HMCN2: variants seen among roughly 807,000 people sequenced by gnomAD.
HMCN2 encodes hemicentin 2.
In HMCN2, 325 loss-of-function variants were observed where a neutral mutation model predicts 377.5. That is an observed-to-expected ratio of 0.86 (90% confidence interval 0.79 to 0.94). The LOEUF is 0.94. Ranked by LOEUF, HMCN2 falls within the 40% of genes least tolerant of loss-of-function variation. The pLI, the probability that HMCN2 is intolerant of heterozygous loss-of-function variation, is 0.00. For synonymous variants in HMCN2, 2,007 were observed against 2,046.8 expected (o/e 0.98, Z 0.53); for missense variants, 4,543 against 4,725.3 (o/e 0.96, Z 1.13).
chr9:130,395,273 C>T lies in HMCN2; in HGVS notation c.10837C>T (p.Leu3613=), dbSNP rs1309540897. The stretch of plus-strand genomic sequence containing the variant: ...TGTGGTCGGCCTGGCCCCAGGGCAG[C>T]TGGTCCTGGAGTGTTCGGTGGAGGC... ...RFVVGLAPGQ[L]VLECSVEAEP... is the part of the protein sequence containing the mutation. Residue 3613 remains leucine (L), a synonymous_variant, in exon 71 of 98, where the codon CTG becomes TTG. Coordinates refer to ENST00000683500, the MANE Select transcript of HMCN2 (RefSeq NM_001291815.2). The T allele has an allele frequency of 2.5e-5, 32 of 1,289,462 alleles. No individual in the cohort carries two copies. The highest frequency in any genetic ancestry group is 3.0e-5 in the African/African-American group (2 of 65,838). 79.9% of individuals were successfully genotyped at this position (1,289,462 alleles called of 1,614,324 possible).
Position 130,423,717 on chromosome 9 carries a change from G to C in HMCN2, c.13381+991G>C, listed in dbSNP as rs934403637. On this transcript the variant is annotated intron_variant, in intron 87 of 97. Transcript: ENST00000683500. The surrounding 1 kb of genome is among the most constrained non-coding windows in gnomAD (Gnocchi z 5.5). The stretch of plus-strand genomic sequence containing the variant: ...CTTGCCCAGTCCATGGCCCCACCTG[G>C]TCCTGCGTGGAGGGCGGGGCATCAC... 6.6e-6 allele frequency among the ~76,000 whole-genome samples: 1 copy of C among 152,226 alleles called. No homozygotes were observed. Among genetic ancestry groups the C allele is most frequent in the Non-Finnish European group, 1.5e-5 (1 of 68,044 alleles).
Position 130,265,858 on chromosome 9 carries a change from G to A in HMCN2, c.-21G>A. On this transcript the variant is annotated 5_prime_UTR_variant, in exon 1 of 98. Coordinates refer to ENST00000683500, the MANE Select transcript of HMCN2 (RefSeq NM_001291815.2). Reference sequence around the variant, plus strand: ...GACCTGCGCCTCCACCGCAGCACCCGCAGCCAGAGCCGCGCTCGGCATGAT... The same window carrying A: ...GACCTGCGCCTCCACCGCAGCACCCACAGCCAGAGCCGCGCTCGGCATGAT... The A allele has an allele frequency of 3.0e-6, 1 of 335,270 alleles. No individual in the cohort carries two copies. The highest frequency in any genetic ancestry group is 5.8e-6 in the Non-Finnish European group (1 of 173,808). 20.8% of individuals were successfully genotyped at this position (335,270 alleles called of 1,614,324 possible).
Position 130,412,565 on chromosome 9 carries a change from C to T in HMCN2, c.12961+1913C>T, listed in dbSNP as rs1309624125. Among the ~76,000 whole-genome samples, 65 of 43,430 alleles carry T rather than the reference C, an allele frequency of 1.5e-3. 2 individuals carry two copies. The highest frequency in any genetic ancestry group is 3.8e-3 in the African/African-American group (62 of 16,424). The allele number at this position is 43,430 out of a possible 152,430, so 28.5% of individuals were successfully genotyped here. ...TTCTTTTCTTTTCTTTTCTTTCTTTCTCTTTTTTTTTTTTTGTTTTAATAT... is the reference window on the plus strand; with the variant it reads ...TTCTTTTCTTTTCTTTTCTTTCTTTTTCTTTTTTTTTTTTTGTTTTAATAT... On this transcript the variant is annotated intron_variant, in intron 85 of 97. Transcript: ENST00000683500.
intron 8 of HMCN2, among the ~76,000 whole-genome samples, chr9:130,301,653 C>T (rs986100777): frequency 2.2e-4 from 34 of 152,218 alleles, no homozygotes; most frequent in African/African-American, 7.2e-4. Flanking sequence ...CCCCCCGGGA[C>T]AGATGTGGCA....
chr9:130,431,180 T>G, intron 95 of HMCN2, 187 bp from the exon 96 acceptor site: 1 of 625,304 alleles, frequency 1.6e-6, no homozygotes. Context: ...AAGGTGGGGC[T>G]CCTCCCTCTC....
chr9:130,400,869 C>A lies in HMCN2; in HGVS notation c.11692C>A (p.Pro3898Thr), dbSNP rs1199346880. ...CCTCACATGTCACAGCACGGGTATACCAGCTCCGACCGTGTCCTGGAGCAA... is the reference window on the plus strand; with the variant it reads ...CCTCACATGTCACAGCACGGGTATAACAGCTCCGACCGTGTCCTGGAGCAA... ...VVLTCHSTGI[P>T]APTVSWSKAG... Residue 3898 changes from proline (P) to threonine (T), a missense_variant, in exon 77 of 98, where the codon CCA becomes ACA. This residue lies in a region of HMCN2 where 1,073 missense variants were observed against 1,319.5 expected (regional missense o/e 0.81). Coordinates refer to ENST00000683500, the MANE Select transcript of HMCN2 (RefSeq NM_001291815.2). The A allele has an allele frequency of 2.3e-6, 3 of 1,289,570 alleles. No homozygotes were observed. The highest frequency in any genetic ancestry group is 5.6e-5 in the East Asian group (1 of 17,990). The allele number at this position is 1,289,570 out of a possible 1,614,324, so 79.9% of individuals were successfully genotyped here. A position where few individuals can be genotyped will look rare whatever the true frequency, so the allele number is the denominator to read the frequency against.
intron 25 of HMCN2, among the ~76,000 whole-genome samples, chr9:130,346,662 T>G (rs1839408445): frequency 6.6e-6 from 1 of 151,916 alleles, no homozygotes; most frequent in Non-Finnish European, 1.5e-5. Context: ...ATTTAGTGCC[T>G]ACTGTGTGCC....
chr9:130,265,804 C>G lies in HMCN2; in HGVS notation c.-75C>G, dbSNP rs1261896330. On this transcript the variant is annotated 5_prime_UTR_variant, in exon 1 of 98. Transcript: ENST00000683500. ...GGAGCAAGGCACTGCCTGCAGCCGC[C>G]GTGTGCACCGGGGCGGCCGGCTAGC... 1 of 280,630 alleles carries G rather than the reference C, an allele frequency of 3.6e-6. No individual in the cohort carries two copies. Among genetic ancestry groups the G allele is most frequent in the Non-Finnish European group, 6.9e-6 (1 of 144,484 alleles). 17.4% of individuals were successfully genotyped at this position (280,630 alleles called of 1,614,324 possible). A position where few individuals can be genotyped will look rare whatever the true frequency, so the allele number is the denominator to read the frequency against.
intron 11 of HMCN2, 94 bp from the exon 12 acceptor site, chr9:130,306,035 G>A (rs1836832349): frequency 5.3e-5 from 23 of 433,978 alleles, no homozygotes; most frequent in South Asian, 3.9e-4. Flanking sequence ...GCCCATCTGT[G>A]ACTATGGGAG....
At chr9:130,291,205 ATTTT>A (rs1411502862) in intron 4 of HMCN2, among the ~76,000 whole-genome samples, 2 of 151,988 alleles carry the variant, frequency 1.3e-5, no homozygotes, top group Non-Finnish European at 1.5e-5. Context: ...TGCATACTTG[ATTTT>A]TGTTTGTTTG....
rs1425581740 is a variant in HMCN2, at chr9:130,430,506, A to G, written c.14549A>G (p.His4850Arg). 1.9e-6 allele frequency: 3 copies of G among 1,550,412 alleles called. No individual in the cohort carries two copies. The highest frequency in any genetic ancestry group is 2.6e-6 in the Non-Finnish European group (3 of 1,146,940). Residue 4850 changes from histidine (H) to arginine (R), a missense_variant, in exon 95 of 98, where the codon CAC (histidine) becomes CGC (arginine). This residue lies in a region of HMCN2 where 1,155 missense variants were observed against 1,157.7 expected (regional missense o/e 1.00). Coordinates refer to ENST00000683500, the MANE Select transcript of HMCN2 (RefSeq NM_001291815.2). ...PWASIPGTSYHAWVSLRPGPM... is the reference protein window; with the variant it reads ...PWASIPGTSYRAWVSLRPGPM... ...GCCTCGATCCCCGGTACCTCCTACC[A>G]CGCCTGGGTCTCTCTCCGTCCGGGT...
In HMCN2 at chr9:130,402,948, G is replaced by T. The variant is rs1221651509; in HGVS notation, c.11878+52G>T. 10 of 1,252,722 alleles carry T rather than the reference G, an allele frequency of 8.0e-6. No homozygotes were observed. In the Admixed American group the frequency reaches 2.3e-4, roughly 29 times the overall value. 77.6% of individuals were successfully genotyped at this position (1,252,722 alleles called of 1,614,324 possible). A position where few individuals can be genotyped will look rare whatever the true frequency, so the allele number is the denominator to read the frequency against. The stretch of plus-strand genomic sequence containing the variant: ...AGTTCCTAGGGCCAGGGGAGCAGGT[G>T]GAGAGCCAGAGGCAGGTGGGGCTCA... On this transcript the variant is annotated intron_variant, in intron 78 of 97. Coordinates refer to ENST00000683500, the MANE Select transcript of HMCN2 (RefSeq NM_001291815.2).
At chr9:130,427,240 C>T (rs1056099444) in intron 90 of HMCN2, 73 bp from the exon 91 acceptor site, 1 of 1,479,352 alleles carries the variant, frequency 6.8e-7, no homozygotes, top group Non-Finnish European at 9.2e-7. Context: ...AGCTGTGAGC[C>T]TGGGCTATGG....
At chr9:130,341,945 G>A (rs960827231) in intron 24 of HMCN2, among the ~76,000 whole-genome samples, 2 of 151,824 alleles carry the variant, frequency 1.3e-5, no homozygotes, top group African/African-American at 4.8e-5. Context: ...GGAGGCCGAG[G>A]TGGGTGGATC....
chr9:130,383,150 T>C (rs763257055), intron 56 of HMCN2, among the ~76,000 whole-genome samples: 7 of 151,996 alleles, frequency 4.6e-5, no homozygotes, highest in Non-Finnish European at 1.0e-4. Context: ...AGCTGGCGCG[T>C]GCAGAGCCGT....
At chr9:130,300,376 A>G (rs1836442198) in intron 8 of HMCN2, among the ~76,000 whole-genome samples, 2 of 152,256 alleles carry the variant, frequency 1.3e-5, no homozygotes, top group Admixed American at 6.5e-5. Context: ...CAGGGCAGAC[A>G]TGGACTTTTG....
In HMCN2 at chr9:130,303,525, C is replaced by T. The variant is rs1836644145; in HGVS notation, c.1460C>T (p.Ser487Phe). The T allele has an allele frequency of 2.2e-6, 1 of 444,470 alleles. No homozygotes were observed. The highest frequency in any genetic ancestry group is 1.6e-5 in the South Asian group (1 of 61,198). 27.5% of individuals were successfully genotyped at this position (444,470 alleles called of 1,614,324 possible). ...AGCAGCTGGGAGATCCTGCGGGCCT[C>T]CAAGGCCGAGGAGGGCACGTACGAG... ...GNSSWEILRA[S>F]KAEEGTYECT... The change falls in exon 10 of 98, where the codon TCC (serine) becomes TTC (phenylalanine). Residue 487 changes from serine (S) to phenylalanine (F), a missense_variant. Physicochemically the swap from Ser to Phe is radical, Grantham distance 155. Around this residue, in one of 5 missense-constraint regions of HMCN2, gnomAD observed 547 missense variants for 189.9 expected, o/e 2.88. Transcript: ENST00000683500. The surrounding 1 kb of genome is among the most constrained non-coding windows in gnomAD (Gnocchi z 5.2).
At chr9:130,288,444 T>G (rs1361623644) in intron 4 of HMCN2, among the ~76,000 whole-genome samples, 4 of 152,216 alleles carry the variant, frequency 2.6e-5, no homozygotes, top group African/African-American at 9.6e-5. Context: ...CTTCCAGATG[T>G]TCCCAGACAT....
chr9:130,332,575 C>T (rs1373465051), intron 22 of HMCN2, among the ~76,000 whole-genome samples: 1 of 152,206 alleles, frequency 6.6e-6, no homozygotes, highest in Non-Finnish European at 1.5e-5. Flanking sequence ...GCAGGGCTTA[C>T]GCTCTCCGGG....
Sources: allele counts gnomAD v4.1 joint callset (sites outside exome capture counted in the v4.1 genomes callset), GRCh38; gene constraint gnomAD v4.1.1; regional missense constraint gnomAD v4.1.1; non-coding constraint Gnocchi (gnomAD v3.1); transcripts MANE v1.5; gene names NCBI Gene and HGNC (gene_info 2026-07-23, HGNC 2026-07-21).